HDAC9: variants seen among roughly 807,000 people sequenced by gnomAD.
The protein encoded by HDAC9 is histone deacetylase 9.
Under a neutral mutation model 139.4 loss-of-function variants are expected in HDAC9, and 41 were observed. The ratio of observed to expected loss-of-function variants is 0.29; its 90% CI spans 0.23 to 0.38. HDAC9 has a LOEUF of 0.38. HDAC9 is among the 10% of genes least tolerant of loss of function. HDAC9 has a pLI of 1.00. For synonymous variants in HDAC9, 517 were observed against 476.2 expected (o/e 1.09, Z -1.12); for missense variants, 1,147 against 1,297.0 (o/e 0.88, Z 1.78).
intron 22 of HDAC9, among the ~76,000 whole-genome samples, chr7:18,919,482 A>G (rs1164292228): frequency 6.6e-6 from 1 of 152,040 alleles, no homozygotes. Context: ...GCACTTTTCT[A>G]TGAGTTTTGC....
At chr7:18,555,673 T>G (rs1047536649) in intron 2 of HDAC9, among the ~76,000 whole-genome samples, 1 of 152,118 alleles carries the variant, frequency 6.6e-6, no homozygotes, top group Admixed American at 6.5e-5. Context: ...GAATTGGTGT[T>G]GATATTTTCT....
chr7:18,945,637 T>C (rs1390964383), intron 23 of HDAC9, among the ~76,000 whole-genome samples: 1 of 152,214 alleles, frequency 6.6e-6, no homozygotes, highest in Non-Finnish European at 1.5e-5. Flanking sequence ...CTTCAACATT[T>C]AGATGCATAG....
intron 1 of HDAC9, among the ~76,000 whole-genome samples, chr7:18,466,130 T>G: frequency 6.6e-6 from 1 of 152,224 alleles, no homozygotes; most frequent in East Asian, 1.9e-4. Flanking sequence ...TACTGTGTTC[T>G]TAACGATGAC....
intron 8 of HDAC9, among the ~76,000 whole-genome samples, chr7:18,639,045 T>C (rs901247106): frequency 6.6e-6 from 1 of 152,134 alleles, no homozygotes; most frequent in African/African-American, 2.4e-5. Flanking sequence ...GGTTTATTTC[T>C]AGTTGAACAT....
chr7:18,793,554 G>A lies in HDAC9; in HGVS notation c.2322+102G>A. On this transcript the variant is annotated intron_variant, in intron 17 of 25. Transcript: ENST00000686413. ...GGGGAGTGTGGCGTGGTAATAAAAG[G>A]AAGGGCAGAAGGAAGAGGGTAGAGA... is the stretch of plus-strand genomic sequence containing the variant. 34 of 776,608 alleles carry A rather than the reference G, an allele frequency of 4.4e-5. 1 individual carries two copies. The South Asian group carries it at 4.9e-4, about 11-fold the overall frequency. The allele number at this position is 776,608 out of a possible 1,614,324, so 48.1% of individuals were successfully genotyped here.
chr7:18,139,535 A>G (rs910180341), intron 1 of HDAC9, among the ~76,000 whole-genome samples: 2 of 152,138 alleles, frequency 1.3e-5, no homozygotes, highest in African/African-American at 4.8e-5. Flanking sequence ...CGTGTCAGGG[A>G]AAAGTAAAGT....
intron 24 of HDAC9, among the ~76,000 whole-genome samples, chr7:18,971,926 TA>T (rs2129335248): frequency 6.6e-6 from 1 of 152,342 alleles, no homozygotes; most frequent in South Asian, 2.1e-4. Context: ...TCATTCTTCT[TA>T]AAGACTGCTA....
intron 25 of HDAC9, 42 bp from the exon 26 acceptor site, chr7:18,995,981 G>T: frequency 6.7e-7 from 1 of 1,486,272 alleles, no homozygotes; most frequent in South Asian, 1.2e-5. Context: ...ATGTCATTGT[G>T]TACTCTTATG....
chr7:18,797,681 T>C (rs946310734), intron 17 of HDAC9, among the ~76,000 whole-genome samples: 4 of 151,952 alleles, frequency 2.6e-5, no homozygotes, highest in African/African-American at 2.4e-5. Flanking sequence ...TACAAAAAAT[T>C]AGCCAGGTGT....
intron 23 of HDAC9, among the ~76,000 whole-genome samples, chr7:18,946,530 A>G (rs1782415685): frequency 6.6e-6 from 1 of 152,176 alleles, no homozygotes; most frequent in Non-Finnish European, 1.5e-5. Context: ...TCAGATAAAA[A>G]TGGACTTTAA....
rs757689693 is a variant in HDAC9 at position 18,719,331 on chromosome 7, C to CTTTTTTTTTTTTTTTTTTTTTTTTTTTT, written c.1732-8223_1732-8222insTTTTTTTTTTTTTTTTTTTTTTTTTTTT. Among the ~76,000 whole-genome samples, 33 of 73,914 alleles carry CTTTTTTTTTTTTTTTTTTTTTTTTTTTT rather than the reference C, an allele frequency of 4.5e-4. 2 individuals carry two copies. The highest frequency in any genetic ancestry group is 1.1e-3 in the South Asian group (2 of 1,824). The allele number at this position is 73,914 out of a possible 152,430, so 48.5% of individuals were successfully genotyped here. On this transcript the variant is annotated intron_variant, in intron 12 of 25. Transcript: ENST00000686413. ...CTAATTAACCTATTTTTTTCTCTTC[C>CTTTTTTTTTTTTTTTTTTTTTTTTTTTT]TTTTTTTTTTTTTTTTTTTTTTTTT... is the stretch of plus-strand genomic sequence containing the variant.
At chr7:18,833,440 C>G (rs1262520586) in intron 19 of HDAC9, among the ~76,000 whole-genome samples, 14 of 152,130 alleles carry the variant, frequency 9.2e-5, no homozygotes. Context: ...TGTCTTAGAA[C>G]TGATTAAAAT....
chr7:18,778,870 C>A (rs1428560968), intron 16 of HDAC9, among the ~76,000 whole-genome samples: 1 of 152,034 alleles, frequency 6.6e-6, no homozygotes, highest in African/African-American at 2.4e-5. Context: ...AGAAATTGCA[C>A]ATGCAAGGTC....
chr7:18,112,115 T>G (rs538166016), intron 1 of HDAC9, among the ~76,000 whole-genome samples: 161 of 152,350 alleles, frequency 1.1e-3, no homozygotes, highest in African/African-American at 3.7e-3. Context: ...ATTTTTCTAT[T>G]ATCTATGCTC....
At chr7:18,356,813 C>T (rs1783346954) in intron 1 of HDAC9, among the ~76,000 whole-genome samples, 1 of 152,092 alleles carries the variant, frequency 6.6e-6, no homozygotes, top group Non-Finnish European at 1.5e-5. Context: ...TAGAGTTCTC[C>T]TCAATGTATG....
chr7:18,817,899 T>A (rs1794690280), intron 17 of HDAC9, among the ~76,000 whole-genome samples: 1 of 152,218 alleles, frequency 6.6e-6, no homozygotes, highest in Non-Finnish European at 1.5e-5. Context: ...TTAAATATCC[T>A]CAGTCATTCT....
At chr7:18,205,545 G>A (rs181621062) in intron 2 of HDAC9, among the ~76,000 whole-genome samples, 2 of 152,070 alleles carry the variant, frequency 1.3e-5, no homozygotes, top group East Asian at 1.9e-4. Flanking sequence ...TGATAGCACC[G>A]AGGTGACAGT....
chr7:18,503,666 C>T (rs1798993016), intron 2 of HDAC9, among the ~76,000 whole-genome samples: 1 of 152,078 alleles, frequency 6.6e-6, no homozygotes, highest in Non-Finnish European at 1.5e-5. Context: ...TTTACCAAAC[C>T]ACAGAGTGTA....
intron 2 of HDAC9, among the ~76,000 whole-genome samples, chr7:18,210,340 C>T (rs375807046): frequency 6.6e-6 from 1 of 152,164 alleles, no homozygotes; most frequent in Non-Finnish European, 1.5e-5. Context: ...TTAGCGTCAT[C>T]GGCTTTGGAA....
Sources: allele counts gnomAD v4.1 joint callset (sites outside exome capture counted in the v4.1 genomes callset), GRCh38; gene constraint gnomAD v4.1.1; transcripts MANE v1.5; gene names NCBI Gene and HGNC (gene_info 2026-07-23, HGNC 2026-07-21).